The following DOCK8 variants were observed in gnomAD, a reference collection of about 807,000 sequenced individuals.
DOCK8 encodes the protein dedicator of cytokinesis protein 8.
A neutral mutation model predicts 245.6 loss-of-function variants in DOCK8; 141 were observed. The ratio of observed to expected loss-of-function variants is 0.57; its 90% CI spans 0.50 to 0.66. The LOEUF is 0.66. Ranked by LOEUF, DOCK8 falls within the 30% of genes least tolerant of loss-of-function variation. DOCK8 has a pLI of 0.00. For synonymous variants in DOCK8, 1,168 were observed against 970.2 expected (o/e 1.20, Z -3.79); for missense variants, 2,965 against 2,603.4 (o/e 1.14, Z -3.02).
intron 1 of DOCK8, among the ~76,000 whole-genome samples, chr9:225,468 G>C (rs2046970797): frequency 6.6e-6 from 1 of 152,100 alleles, no homozygotes; most frequent in Non-Finnish European, 1.5e-5. Flanking sequence ...GTGAGATCTG[G>C]GATTAGACTG....
rs144773728 is a variant in DOCK8 at position 238,988 on chromosome 9, T to C, written c.53+23959T>C. ...GACCATTTAGACACACCGATTCACC[T>C]ACTCTGTGCATGTTTGGGATGTCAA... On this transcript the variant is annotated intron_variant, in intron 1 of 47. Transcript: ENST00000432829. 2.6e-3 allele frequency among the ~76,000 whole-genome samples: 397 copies of C among 152,226 alleles called. 1 individual carries two copies. Among genetic ancestry groups the C allele is most frequent in the African/African-American group, 8.6e-3 (357 of 41,526 alleles).
rs1286457800 is a variant in DOCK8 at position 382,519 on chromosome 9, C to G, written c.2612C>G (p.Pro871Arg). 35 of 1,613,726 alleles carry G rather than the reference C, an allele frequency of 2.2e-5. No individual in the cohort carries two copies. The highest frequency in any genetic ancestry group is 3.0e-5 in the Non-Finnish European group (35 of 1,179,874). ...VQRDVPKSGA[P>R]TALLDPRSYH... is the part of the protein sequence containing the mutation. ...TCTGCCTGGTGGGGTGCAGGCGCTC[C>G]CACTGCCCTCCTAGACCCTCGGAGC... The change falls in exon 22 of 48, where the codon CCC (proline) becomes CGC (arginine). Residue 871 changes from proline (P) to arginine (R), a missense_variant. Physicochemically the swap from Pro to Arg is moderately radical, Grantham distance 103. This residue lies in a region of DOCK8 where 2,825 missense variants were observed against 2,453.5 expected (regional missense o/e 1.15). Coordinates refer to ENST00000432829, the MANE Select transcript of DOCK8 (RefSeq NM_203447.4).
intron 4 of DOCK8, among the ~76,000 whole-genome samples, chr9:296,728 A>G (rs971031559): frequency 6.6e-6 from 1 of 152,200 alleles, no homozygotes; most frequent in African/African-American, 2.4e-5. Flanking sequence ...GTGCTTAGCT[A>G]TTTGCTTTCT....
intron 45 of DOCK8, 37 bp from the exon 46 acceptor site, chr9:451,974 T>G: frequency 3.5e-6 from 1 of 283,456 alleles, no homozygotes; most frequent in Non-Finnish European, 5.7e-6. Context: ...TATATATATA[T>G]ATATTTTTTT....
intron 24 of DOCK8, among the ~76,000 whole-genome samples, chr9:394,398 C>A (rs2054346973): frequency 6.6e-6 from 1 of 152,232 alleles, no homozygotes; most frequent in Non-Finnish European, 1.5e-5. Flanking sequence ...CTGACCAATG[C>A]CCAGGAAGTT....
chr9:464,101 C>G, intron 47 of DOCK8, 58 bp from the exon 48 acceptor site: 2 of 1,456,748 alleles, frequency 1.4e-6, no homozygotes, highest in Non-Finnish European at 1.9e-6. Context: ...GCTAACTGAT[C>G]TTTTCTTGCT....
intron 14 of DOCK8, among the ~76,000 whole-genome samples, chr9:353,662 T>G (rs1007674903): frequency 3.3e-5 from 5 of 152,174 alleles, no homozygotes; most frequent in African/African-American, 9.7e-5. Flanking sequence ...CTGACAGTTC[T>G]GTCTGGTGGC....
intron 26 of DOCK8, among the ~76,000 whole-genome samples, chr9:400,845 C>CACCACCTCCTT (rs1586917200): frequency 2.0e-5 from 2 of 97,764 alleles, no homozygotes; most frequent in East Asian, 6.2e-4. Context: ...ACCACCACCT[C>CACCACCTCCTT]CACCATCACC....
chr9:418,921 C>T (rs1031133249), intron 30 of DOCK8, among the ~76,000 whole-genome samples: 14 of 151,812 alleles, frequency 9.2e-5, no homozygotes, highest in South Asian at 6.2e-4. Context: ...GGTAGCTTAG[C>T]GTAAGGGCTT....
intron 43 of DOCK8, among the ~76,000 whole-genome samples, chr9:445,159 A>G (rs1318623882): frequency 1.3e-5 from 2 of 152,188 alleles, no homozygotes; most frequent in Non-Finnish European, 2.9e-5. Context: ...TGTCTGGGAG[A>G]TGGAGTTGGC....
chr9:278,612 C>T (rs1006930734), intron 2 of DOCK8, among the ~76,000 whole-genome samples: 9 of 152,162 alleles, frequency 5.9e-5, no homozygotes, highest in Admixed American at 2.0e-4. Flanking sequence ...TTGGATCATC[C>T]GTGAAGGCCT....
intron 6 of DOCK8, among the ~76,000 whole-genome samples, chr9:316,057 T>G (rs1172432800): frequency 6.6e-6 from 1 of 151,828 alleles, no homozygotes; most frequent in Admixed American, 6.6e-5. Context: ...CAGGGAGAGG[T>G]TGGAGTAATG....
chr9:245,583 G>T (rs1324684395), intron 1 of DOCK8, among the ~76,000 whole-genome samples: 1 of 152,106 alleles, frequency 6.6e-6, no homozygotes, highest in Non-Finnish European at 1.5e-5. Context: ...CAGGCAACTT[G>T]ACAAAGAGTG....
chr9:459,977 C>T (rs1237187858), intron 46 of DOCK8: 1 of 152,226 alleles, frequency 6.6e-6, no homozygotes, highest in Non-Finnish European at 1.5e-5. Flanking sequence ...AAAGAACCAT[C>T]CACCTCTTGA....
chr9:234,997 T>G (rs1356289491), intron 1 of DOCK8, among the ~76,000 whole-genome samples: 1 of 152,228 alleles, frequency 6.6e-6, no homozygotes, highest in Non-Finnish European at 1.5e-5. Context: ...TTCCAGTTTT[T>G]CTGCTCTGTT....
In DOCK8 at chr9:394,140, A is replaced by G. The variant is rs535772349; in HGVS notation, c.2971-2645A>G. ...GGCCTCTCTGTTCTCCCACGTAATG[A>G]TCCCCTTGTTTGTGCTCCTGTTGGC... On this transcript the variant is annotated intron_variant, in intron 24 of 47. Transcript: ENST00000432829. 6.6e-5 allele frequency among the ~76,000 whole-genome samples: 10 copies of G among 152,242 alleles called. No homozygotes were observed. The South Asian group carries it at 2.1e-3, about 32-fold the overall frequency.
At chr9:344,206 G>C (rs533288518) in intron 14 of DOCK8, among the ~76,000 whole-genome samples, 2 of 152,288 alleles carry the variant, frequency 1.3e-5, no homozygotes, top group African/African-American at 4.8e-5. Context: ...TTTGGTTGTG[G>C]CCCCTTCTCT....
chr9:346,763 C>T (rs139679040), intron 14 of DOCK8, among the ~76,000 whole-genome samples: 120 of 152,276 alleles, frequency 7.9e-4, no homozygotes, highest in African/African-American at 2.8e-3. Flanking sequence ...GTACTACCCA[C>T]CTTCTCTTCT....
chr9:225,692 A>G (rs747298730), intron 1 of DOCK8, among the ~76,000 whole-genome samples: 25 of 152,218 alleles, frequency 1.6e-4, no homozygotes, highest in Non-Finnish European at 2.9e-4. Flanking sequence ...ACCAGTGGGG[A>G]GACAATGAAG....
Sources: gnomAD v4.1 joint callset for allele counts (sites outside exome capture counted in the v4.1 genomes callset) on GRCh38, gnomAD v4.1.1 for gene constraint, gnomAD v4.1.1 regional missense constraint, MANE v1.5 for transcripts, NCBI Gene and HGNC (gene_info 2026-07-23, HGNC 2026-07-21) for gene names.